TAAR5: variants seen among roughly 807,000 people sequenced by gnomAD.
TAAR5 encodes the protein trace amine-associated receptor 5.
In TAAR5, 27 loss-of-function variants were observed where a neutral mutation model predicts 21.1. The ratio of observed to expected loss-of-function variants is 1.28; its 90% CI spans 0.94 to 1.76. TAAR5 has a LOEUF of 1.76. Among genes scored for constraint, TAAR5 ranks in the 40% most tolerant of loss-of-function variants. TAAR5 has a pLI of 0.00. For missense variants in TAAR5, 495 were observed against 405.6 expected (o/e 1.22, Z -1.89); for synonymous variants, 203 against 167.5 (o/e 1.21, Z -1.64).
At chr6:132,608,937 G>T in the TAAR5 span, 647 of 455,950 alleles carry the variant, frequency 1.4e-3, 9 homozygotes, top group African/African-American at 0.011. Flanking sequence ...AGGTCAGTCT[G>T]AGCATCATGT....
chr6:132,609,568 G>T, the TAAR5 span, among the ~76,000 whole-genome samples: 1 of 152,040 alleles, frequency 6.6e-6, no homozygotes, highest in South Asian at 2.1e-4. Flanking sequence ...TCCAACATAG[G>T]TTTATCTATT....
In TAAR5 at chr6:132,589,670, A is replaced by T. The variant is rs749355434; in HGVS notation, c.17T>A (p.Ile6Asn). The change falls in exon 1 of 1, where the codon ATC becomes AAC. Residue 6 changes from isoleucine to asparagine, a missense_variant. Coordinates refer to ENST00000258034, the MANE Select transcript of TAAR5 (RefSeq NM_003967.3). MRAVF[I>N]QGAEEHPAAF... Reference sequence around the variant, plus strand: ...CGCAGGGTGCTCTTCAGCACCTTGGATGAAGACAGCTCTCATTTATGATTT... The same window carrying T: ...CGCAGGGTGCTCTTCAGCACCTTGGTTGAAGACAGCTCTCATTTATGATTT... 4.2e-6 allele frequency: 6 copies of T among 1,418,172 alleles called. No individual in the cohort carries two copies. In the South Asian group the frequency reaches 5.8e-5, roughly 14 times the overall value. 87.8% of individuals were successfully genotyped at this position (1,418,172 alleles called of 1,614,324 possible).
chr6:132,609,567 G>C, the TAAR5 span, among the ~76,000 whole-genome samples: 2 of 152,006 alleles, frequency 1.3e-5, no homozygotes, highest in Non-Finnish European at 2.9e-5. Flanking sequence ...ATCCAACATA[G>C]GTTTATCTAT....
At chr6:132,613,602 T>G in the TAAR5 span, among the ~76,000 whole-genome samples, 1 of 152,308 alleles carries the variant, frequency 6.6e-6, no homozygotes, top group East Asian at 1.9e-4. Context: ...TTGGCATATC[T>G]CCAGCCACAT....
At chr6:132,595,334 C>T in the TAAR5 span, 1 of 152,582 alleles carries the variant, frequency 6.6e-6, no homozygotes, top group Non-Finnish European at 1.5e-5. Context: ...AGGTACATGG[C>T]CCAGACACTC....
At position 132,589,275 on chromosome 6, in the gene TAAR5, C is replaced by G; in HGVS notation, c.412G>C (p.Asp138His). The change falls in exon 1 of 1, where the codon GAC becomes CAC. Residue 138 changes from aspartate to histidine, a missense_variant. Physicochemically the swap from Asp to His is moderately conservative, Grantham distance 81. Transcript: ENST00000258034. Reference protein sequence around the residue: ...ISIDRHCAICDPLLYPSKFTV... With the variant: ...ISIDRHCAICHPLLYPSKFTV... ...AACTTGGAGGGATAGAGCAGGGGGT[C>G]ACAGATGGCACAGTGGCGGTCAATG... 2.5e-6 allele frequency: 4 copies of G among 1,610,638 alleles called. No individual in the cohort carries two copies. The South Asian group carries it at 4.4e-5, about 18-fold the overall frequency.
upstream of TAAR5, among the ~76,000 whole-genome samples, chr6:132,592,443 A>G (rs17061481): frequency 0.14 from 20,820 of 152,216 alleles, 1,721 homozygotes; most frequent in East Asian, 0.26. Context: ...CCTGCCTTTG[A>G]GAGCACATAG....
At chr6:132,609,423 A>G in the TAAR5 span, 1 of 163,870 alleles carries the variant, frequency 6.1e-6, no homozygotes, top group Non-Finnish European at 1.3e-5. Flanking sequence ...TAATTTATTT[A>G]AATATTTTAA....
chr6:132,590,620 C>A (rs79571511), upstream of TAAR5, among the ~76,000 whole-genome samples: 638 of 152,260 alleles, frequency 4.2e-3, 18 homozygotes, highest in East Asian at 0.077. Context: ...ATTTTATACT[C>A]TCAATAGAAA....
At chr6:132,611,610 G>T in the TAAR5 span, among the ~76,000 whole-genome samples, 1 of 152,104 alleles carries the variant, frequency 6.6e-6, no homozygotes, top group Non-Finnish European at 1.5e-5. Flanking sequence ...AGGAAAAGTT[G>T]ATCGGGCTCA....
At chr6:132,600,892 G>A in the TAAR5 span, among the ~76,000 whole-genome samples, 33 of 119,994 alleles carry the variant, frequency 2.8e-4, no homozygotes, top group South Asian at 6.2e-4. Flanking sequence ...AGGGAAGAAG[G>A]GAAGGAGGGA....
At chr6:132,596,728 T>C in the TAAR5 span, among the ~76,000 whole-genome samples, 2 of 152,112 alleles carry the variant, frequency 1.3e-5, no homozygotes, top group Non-Finnish European at 2.9e-5. Context: ...CATAGGGAAA[T>C]AAAATGTAAG....
At chr6:132,605,819 C>CA in the TAAR5 span, among the ~76,000 whole-genome samples, 9 of 144,304 alleles carry the variant, frequency 6.2e-5, no homozygotes, top group Admixed American at 1.4e-4. Context: ...ATGTTCATCT[C>CA]AGCACTATTC....
chr6:132,609,240 A>G, the TAAR5 span: 1 of 347,954 alleles, frequency 2.9e-6, no homozygotes, highest in Non-Finnish European at 5.6e-6. Flanking sequence ...AATTTTGGAC[A>G]ACTGGATAGG....
At chr6:132,604,508 TA>T in the TAAR5 span, among the ~76,000 whole-genome samples, 9 of 150,038 alleles carry the variant, frequency 6.0e-5, no homozygotes, top group East Asian at 3.9e-4. Flanking sequence ...TCTTAAAAAT[TA>T]AAAAAAAAAT....
the TAAR5 span, among the ~76,000 whole-genome samples, chr6:132,600,952 A>AAGGAAG: frequency 6.6e-5 from 1 of 15,146 alleles, no homozygotes; most frequent in Non-Finnish European, 1.2e-4. Context: ...AGGGAAAGAA[A>AAGGAAG]GAAGGAGGGA....
upstream of TAAR5, among the ~76,000 whole-genome samples, chr6:132,592,119 C>G (rs529347342): frequency 1.6e-4 from 25 of 152,190 alleles, no homozygotes; most frequent in Non-Finnish European, 2.4e-4. Context: ...ACTAAGGTTT[C>G]CTGCTTACCT....
chr6:132,600,549 A>G, the TAAR5 span, among the ~76,000 whole-genome samples: 2 of 152,186 alleles, frequency 1.3e-5, no homozygotes, highest in Non-Finnish European at 2.9e-5. Flanking sequence ...CTGGAATTGC[A>G]GGATTTAATG....
chr6:132,610,781 G>A, the TAAR5 span, among the ~76,000 whole-genome samples: 1 of 152,206 alleles, frequency 6.6e-6, no homozygotes, highest in Non-Finnish European at 1.5e-5. Flanking sequence ...TAGCAAAAGA[G>A]CCTTGCGTTG....
Sources: gnomAD v4.1 joint callset for allele counts (sites outside exome capture counted in the v4.1 genomes callset) on GRCh38, gnomAD v4.1.1 for gene constraint, MANE v1.5 for transcripts, NCBI Gene and HGNC (gene_info 2026-07-23, HGNC 2026-07-21) for gene names.